MTERF4: variants seen among roughly 807,000 people sequenced by gnomAD.
MTERF4 encodes transcription termination factor 4, mitochondrial.
In MTERF4, 17 loss-of-function variants were observed where a neutral mutation model predicts 22.5. The ratio of observed to expected loss-of-function variants is 0.75; its 90% CI spans 0.52 to 1.13. MTERF4 has a LOEUF of 1.13. Among genes scored for constraint, MTERF4 ranks in the 50% most tolerant of loss-of-function variants. MTERF4 has a pLI of 0.00. For synonymous variants in MTERF4, 165 were observed against 175.3 expected (o/e 0.94, Z 0.47); for missense variants, 420 against 466.8 (o/e 0.90, Z 0.92).
At chr2:241,047,360 G>T in the MTERF4 span, among the ~76,000 whole-genome samples, 14 of 152,082 alleles carry the variant, frequency 9.2e-5, no homozygotes, top group Admixed American at 5.2e-4. Context: ...TGAAGCAAAA[G>T]CTGACTGAAC....
downstream of MTERF4, chr2:241,070,146 GAGCACGGAGCTCGGGCCGC>G: frequency 1.2e-6 from 2 of 1,610,524 alleles, no homozygotes; most frequent in South Asian, 1.1e-5. Flanking sequence ...TAGCAGTGCA[GAGCACGGAGCTCGGGCCGC>G]AGCACAGCGA....
chr2:241,070,224 G>A (rs369319826), downstream of MTERF4: 274 of 1,583,824 alleles, frequency 1.7e-4, no homozygotes, highest in African/African-American at 2.7e-3. Flanking sequence ...GGCCCTGCGC[G>A]TGGGCGGGGC....
chr2:241,051,954 C>T, the MTERF4 span: 2 of 1,484,890 alleles, frequency 1.3e-6, no homozygotes, highest in Admixed American at 3.8e-5. This position sits in a 1 kb window ranked among gnomAD's most constrained non-coding sequence, Gnocchi z 4.7. Context: ...TGTGGGTCTG[C>T]TTCTCATGAA....
downstream of MTERF4, chr2:241,070,093 G>T (rs2062632711): frequency 3.7e-6 from 6 of 1,613,050 alleles, no homozygotes; most frequent in African/African-American, 2.7e-5. Flanking sequence ...GTCCTACACG[G>T]TGCGCGACCT....
At chr2:241,071,291 G>A (rs2062701311), downstream of MTERF4, 1 of 501,172 alleles carries the variant, frequency 2.0e-6, no homozygotes, top group East Asian at 3.2e-5. Flanking sequence ...TGAGTGACGG[G>A]CAGGGGCCTA....
At chr2:241,071,572 G>A, downstream of MTERF4, 1 of 1,580,700 alleles carries the variant, frequency 6.3e-7, no homozygotes, top group African/African-American at 1.3e-5. Context: ...TGCCTGCTCT[G>A]CAGCCCCCAG....
the MTERF4 span, chr2:241,065,368 C>T: frequency 9.3e-6 from 15 of 1,613,102 alleles, no homozygotes; most frequent in East Asian, 2.2e-5. Flanking sequence ...TCCTGGAACC[C>T]GCCCAATGGT....
the MTERF4 span, among the ~76,000 whole-genome samples, chr2:241,054,898 C>G: frequency 6.6e-6 from 1 of 152,136 alleles, no homozygotes; most frequent in Admixed American, 6.5e-5. Context: ...AGGTGGATCA[C>G]CTGAGGTCAG....
Position 241,072,796 on chromosome 2 carries a change from G to A in MTERF4, n.3366C>T, listed in dbSNP as rs890730241. 11 of 192,038 alleles carry A rather than the reference G, an allele frequency of 5.7e-5. No homozygotes were observed. In the Middle Eastern group the frequency reaches 6.8e-3, roughly 118 times the overall value. 11.9% of individuals were successfully genotyped at this position (192,038 alleles called of 1,614,324 possible). A position where few individuals can be genotyped will look rare whatever the true frequency, so the allele number is the denominator to read the frequency against. On this transcript the variant is annotated non_coding_transcript_exon_variant, in exon 5 of 5. Coordinates refer to the MTERF4 transcript ENST00000464344. ...CTATGGAAGCGGATATGAAGTGCCC[G>A]AGGGTGCGGTTGAGATCCCTGCATA...
At chr2:241,066,722 G>A in the MTERF4 span, among the ~76,000 whole-genome samples, 1 of 152,218 alleles carries the variant, frequency 6.6e-6, no homozygotes, top group East Asian at 1.9e-4. Flanking sequence ...TGAAACCTAT[G>A]GGTAGCATGG....
chr2:241,051,637 A>C, the MTERF4 span: 1 of 887,322 alleles, frequency 1.1e-6, no homozygotes, highest in Non-Finnish European at 1.6e-6. The surrounding 1 kb of genome is among the most constrained non-coding windows in gnomAD (Gnocchi z 4.7). Context: ...CTTCGTCGAG[A>C]AGGCCCCACC....
chr2:241,081,185 A>G (rs940914460), intron 4 of MTERF4, among the ~76,000 whole-genome samples: 7 of 152,220 alleles, frequency 4.6e-5, no homozygotes, highest in African/African-American at 1.7e-4. Flanking sequence ...AATCCTATCA[A>G]GCACCTCTCT....
downstream of MTERF4, chr2:241,067,773 C>G (rs1559290224): frequency 1.2e-6 from 2 of 1,607,640 alleles, no homozygotes; most frequent in East Asian, 2.2e-5. Context: ...GGACCCCGCC[C>G]TGTGGAAGGC....
the MTERF4 span, chr2:241,053,457 C>T: frequency 4.6e-6 from 4 of 875,004 alleles, 1 homozygote; most frequent in Admixed American, 2.9e-5. Flanking sequence ...CCCCTGCTCC[C>T]CTCAGTCTCC....
rs1373032504 is a variant in MTERF4 at position 241,096,493 on chromosome 2, A to G, written c.706-55T>C. 1.9e-6 allele frequency: 3 copies of G among 1,584,834 alleles called. No individual in the cohort carries two copies. Among genetic ancestry groups the G allele is most frequent in the African/African-American group, 1.3e-5 (1 of 74,174 alleles). On this transcript the variant is annotated intron_variant, in intron 3 of 3. Transcript: ENST00000391980. The surrounding 1 kb of genome is among the most constrained non-coding windows in gnomAD (Gnocchi z 5.1). The stretch of plus-strand genomic sequence containing the variant: ...CAGATACAGAGTATTGAAACCTATC[A>G]TTCTATAAACCATAAAAACTTAAGT...
chr2:241,051,675 G>C, the MTERF4 span: 2 of 1,239,338 alleles, frequency 1.6e-6, no homozygotes. This position sits in a 1 kb window ranked among gnomAD's most constrained non-coding sequence, Gnocchi z 4.7. Context: ...GAGATGCCAG[G>C]AGGGTATAGT....
chr2:241,071,167 G>A (rs1045816848), downstream of MTERF4, among the ~76,000 whole-genome samples: 2 of 152,184 alleles, frequency 1.3e-5, no homozygotes, highest in African/African-American at 4.8e-5. Flanking sequence ...CACATGCTGG[G>A]GTGGGGACTC....
At chr2:241,048,996 G>T in the MTERF4 span, 1 of 1,575,366 alleles carries the variant, frequency 6.3e-7, no homozygotes, top group Non-Finnish European at 8.7e-7. Context: ...TGGAATATGG[G>T]ATGGGGCTTC....
chr2:241,063,448 G>T, the MTERF4 span: 1 of 687,478 alleles, frequency 1.5e-6, no homozygotes, highest in Non-Finnish European at 2.7e-6. Context: ...GCTGATGGAA[G>T]AAAAAGCACA....
Sources: allele counts gnomAD v4.1 joint callset (sites outside exome capture counted in the v4.1 genomes callset), GRCh38; gene constraint gnomAD v4.1.1; non-coding constraint Gnocchi (gnomAD v3.1); transcripts MANE v1.5; gene names NCBI Gene and HGNC (gene_info 2026-07-23, HGNC 2026-07-21).